C10orf143: variants seen among roughly 807,000 people sequenced by gnomAD.
C10orf143 encodes the protein chromosome 10 open reading frame 143.
chr10:130,106,158 G>A, intron 1 of C10orf143: 1 of 835,696 alleles, frequency 1.2e-6, no homozygotes, highest in Non-Finnish European at 2.0e-6. Context: ...AATCCTCATG[G>A]TTTTCCATGG....
intron 3 of C10orf143, among the ~76,000 whole-genome samples, chr10:130,058,770 T>G (rs1052544112): frequency 6.6e-6 from 1 of 152,118 alleles, no homozygotes; most frequent in Non-Finnish European, 1.5e-5. Flanking sequence ...CCCCTTATCC[T>G]GCAATTCATC....
At chr10:130,072,727 C>T (rs2134756302) in intron 3 of C10orf143, among the ~76,000 whole-genome samples, 1 of 152,282 alleles carries the variant, frequency 6.6e-6, no homozygotes, top group Middle Eastern at 3.4e-3. Flanking sequence ...GTGAGTCACA[C>T]AAATTTTTTG....
chr10:130,096,887 G>A (rs933786961), intron 1 of C10orf143, among the ~76,000 whole-genome samples: 12 of 147,760 alleles, frequency 8.1e-5, no homozygotes, highest in East Asian at 2.0e-4. Flanking sequence ...AGCCACATTC[G>A]TGGAGAAGAA....
At chr10:130,085,623 G>A (rs1410631414) in intron 1 of C10orf143, among the ~76,000 whole-genome samples, 2 of 152,030 alleles carry the variant, frequency 1.3e-5, no homozygotes. Flanking sequence ...AATGGAATAA[G>A]GTCTATAGTT....
intron 3 of C10orf143, among the ~76,000 whole-genome samples, chr10:130,057,250 C>T (rs185729440): frequency 3.2e-4 from 48 of 152,168 alleles, no homozygotes; most frequent in African/African-American, 1.1e-3. Context: ...CCATTTAAAC[C>T]GTTTTTAAGT....
intron 1 of C10orf143, among the ~76,000 whole-genome samples, chr10:130,102,793 A>G (rs889225386): frequency 6.6e-4 from 101 of 152,162 alleles, no homozygotes; most frequent in Non-Finnish European, 4.7e-4. Context: ...TTTAATCACT[A>G]TGAAATCACC....
intron 1 of C10orf143, among the ~76,000 whole-genome samples, chr10:130,090,755 G>A (rs1219520593): frequency 6.6e-6 from 1 of 152,124 alleles, no homozygotes; most frequent in East Asian, 1.9e-4. Flanking sequence ...CCATTACCAA[G>A]GCTTGAGTAG....
At chr10:130,090,913 G>A (rs1034001599) in intron 1 of C10orf143, among the ~76,000 whole-genome samples, 3 of 152,184 alleles carry the variant, frequency 2.0e-5, no homozygotes, top group Non-Finnish European at 4.4e-5. Context: ...AGGCAGCAGC[G>A]CCAGTCAGGG....
intron 3 of C10orf143, among the ~76,000 whole-genome samples, chr10:130,045,811 C>T (rs1860662499): frequency 6.6e-6 from 1 of 152,204 alleles, no homozygotes; most frequent in Non-Finnish European, 1.5e-5. Flanking sequence ...CAGTCAGGTC[C>T]GTGTCACCTG....
At chr10:130,087,035 G>A (rs1861301749) in intron 1 of C10orf143, among the ~76,000 whole-genome samples, 1 of 152,214 alleles carries the variant, frequency 6.6e-6, no homozygotes, top group Non-Finnish European at 1.5e-5. Flanking sequence ...ACCAAGGCGA[G>A]CAGAGTGTGG....
At chr10:130,108,389 T>C (rs761569866) in intron 1 of C10orf143, 15 of 1,026,074 alleles carry the variant, frequency 1.5e-5, no homozygotes, top group Non-Finnish European at 2.3e-5. Context: ...TGAGTTCCCT[T>C]CAGGGCTGAT....
intron 3 of C10orf143, among the ~76,000 whole-genome samples, chr10:130,046,620 C>T (rs1251950382): frequency 6.6e-6 from 1 of 152,194 alleles, no homozygotes; most frequent in Admixed American, 6.5e-5. Context: ...GTGGTGGTCT[C>T]TCCGGGGAAA....
At chr10:130,092,192 G>A (rs1349915645) in intron 1 of C10orf143, among the ~76,000 whole-genome samples, 1 of 152,222 alleles carries the variant, frequency 6.6e-6, no homozygotes, top group Non-Finnish European at 1.5e-5. Flanking sequence ...ACAAAGGGAA[G>A]CCTATCAGAC....
chr10:130,100,707 G>T lies in C10orf143; in HGVS notation c.69+9997C>A, dbSNP rs1861535204. ...AATGTCTGGGATTAAAAATGCACTG[G>T]ATGTAATTAGTGGACGGCTAGACAT... On this transcript the variant is annotated intron_variant, in intron 1 of 3. Transcript: ENST00000637128. Among the ~76,000 whole-genome samples, 8 of 152,168 alleles carry T rather than the reference G, an allele frequency of 5.3e-5. No homozygotes were observed. In the South Asian group the frequency reaches 1.7e-3, roughly 31 times the overall value.
At chr10:130,074,553 T>C (rs1320082752) in intron 3 of C10orf143, among the ~76,000 whole-genome samples, 2 of 152,096 alleles carry the variant, frequency 1.3e-5, no homozygotes, top group African/African-American at 2.4e-5. Flanking sequence ...CGTCCCCAGC[T>C]TGACACTCGG....
intron 1 of C10orf143, among the ~76,000 whole-genome samples, chr10:130,085,168 A>G (rs1461324843): frequency 6.6e-6 from 1 of 152,274 alleles, no homozygotes; most frequent in South Asian, 2.1e-4. Flanking sequence ...GCAAGATCTA[A>G]TAATAGATGC....
chr10:130,050,947 G>C (rs1004472364), intron 3 of C10orf143, among the ~76,000 whole-genome samples: 1 of 152,178 alleles, frequency 6.6e-6, no homozygotes, highest in Non-Finnish European at 1.5e-5. Flanking sequence ...GGCTGTGGAG[G>C]GACCACTGAG....
intron 3 of C10orf143, among the ~76,000 whole-genome samples, chr10:130,040,107 G>A (rs900379901): frequency 6.6e-6 from 1 of 152,130 alleles, no homozygotes; most frequent in African/African-American, 2.4e-5. Flanking sequence ...ATGAGGAGCT[G>A]GGGTGGGAGT....
intron 3 of C10orf143, among the ~76,000 whole-genome samples, chr10:130,039,364 G>C (rs1400032151): frequency 6.6e-6 from 1 of 152,170 alleles, no homozygotes; most frequent in Non-Finnish European, 1.5e-5. Flanking sequence ...CTGAGAGCCA[G>C]GGGAGTCCGC....
Sources: gnomAD v4.1 joint callset for allele counts (sites outside exome capture counted in the v4.1 genomes callset) on GRCh38, gnomAD v4.1.1 for gene constraint, MANE v1.5 for transcripts, NCBI Gene and HGNC (gene_info 2026-07-23, HGNC 2026-07-21) for gene names.